The following DLG2 variants were observed in gnomAD, a reference collection of about 807,000 sequenced individuals.
DLG2 encodes disks large homolog 2.
DLG2 carries 45 observed loss-of-function variants against 132.5 expected under a neutral mutation model. The observed-to-expected ratio is 0.34, with a 90% confidence interval of 0.27 to 0.44. The LOEUF is 0.44. Among genes scored for constraint, DLG2 ranks in the 20% least tolerant of loss-of-function variants. The probability of loss-of-function intolerance (pLI) is 1.00; values close to 1 mark genes in which losing one functional copy is unlikely to be tolerated. For missense variants in DLG2, 1,045 were observed against 1,196.9 expected, an observed-to-expected ratio of 0.87 and a Z score of 1.87; for synonymous variants, 424 against 419.6, an observed-to-expected ratio of 1.01 and a Z score of -0.13.
intron 3 of DLG2, among the ~76,000 whole-genome samples, chr11:85,562,308 T>C (rs758380591): frequency 1.3e-5 from 2 of 151,768 alleles, no homozygotes; most frequent in South Asian, 4.1e-4. Flanking sequence ...AAGTTTTAAA[T>C]TATTATTTAA....
At chr11:85,050,504 G>C (rs1407614752) in intron 6 of DLG2, among the ~76,000 whole-genome samples, 1 of 151,932 alleles carries the variant, frequency 6.6e-6, no homozygotes, top group Admixed American at 6.6e-5. Context: ...GGAACAAACA[G>C]GAAGACAATG....
In DLG2 at chr11:85,154,586, A is replaced by C; in HGVS notation, c.252T>G (p.Ser84Arg). The change falls in exon 5 of 28, where the codon AGT becomes AGG. Residue 84 changes from serine to arginine, a missense_variant. By Grantham distance (110) the Ser-to-Arg change is moderately radical. Coordinates refer to ENST00000376104, the MANE Select transcript of DLG2 (RefSeq NM_001142699.3). Reference protein sequence around the residue: ...SCIEQNKENQSFENETDETTT... With the variant: ...SCIEQNKENQRFENETDETTT... ...TCGTCTCATCAGTTTCATTTTCAAA[A>C]CTCTGATTTTCTTTATTTTGCTCAA... 6.5e-7 allele frequency: 1 copy of C among 1,531,342 alleles called. No homozygotes were observed. The allele number at this position is 1,531,342 out of a possible 1,614,324, so 94.9% of individuals were successfully genotyped here. A position where few individuals can be genotyped will look rare whatever the true frequency, so the allele number is the denominator to read the frequency against.
At chr11:85,474,080 A>G (rs1010559653) in intron 3 of DLG2, among the ~76,000 whole-genome samples, 2 of 152,064 alleles carry the variant, frequency 1.3e-5, no homozygotes, top group African/African-American at 4.8e-5. Context: ...AGATGTACCT[A>G]AAGTATAACA....
intron 11 of DLG2, among the ~76,000 whole-genome samples, chr11:84,036,310 CA>C (rs1186608399): frequency 6.6e-6 from 1 of 152,086 alleles, no homozygotes; most frequent in Admixed American, 6.6e-5. Context: ...ATTGGAAAAC[CA>C]AACTAGCTTC....
intron 6 of DLG2, among the ~76,000 whole-genome samples, chr11:84,565,234 G>A (rs761984272): frequency 2.6e-5 from 4 of 152,248 alleles, no homozygotes; most frequent in South Asian, 2.1e-4. Context: ...TCAGTACTGC[G>A]CACTCAAATT....
At chr11:84,769,092 G>A (rs1235467699) in intron 6 of DLG2, among the ~76,000 whole-genome samples, 1 of 152,058 alleles carries the variant, frequency 6.6e-6, no homozygotes, top group East Asian at 1.9e-4. Context: ...TCTGAATGTA[G>A]TGACACCACC....
chr11:85,431,857 A>T (rs1466886416), intron 3 of DLG2, among the ~76,000 whole-genome samples: 1 of 152,216 alleles, frequency 6.6e-6, no homozygotes, highest in African/African-American at 2.4e-5. Flanking sequence ...ATGCCATCCA[A>T]CTAGGTAAGA....
intron 19 of DLG2, among the ~76,000 whole-genome samples, chr11:83,594,546 G>T (rs1423049178): frequency 1.3e-5 from 2 of 152,130 alleles, no homozygotes; most frequent in Non-Finnish European, 2.9e-5. Context: ...TAAAATTAGA[G>T]GCTGTATTGT....
chr11:84,665,274 G>T (rs2099698692), intron 6 of DLG2, among the ~76,000 whole-genome samples: 1 of 152,202 alleles, frequency 6.6e-6, no homozygotes, highest in South Asian at 2.1e-4. Context: ...TGTCTTAAGT[G>T]CTATATATGT....
At chr11:85,099,619 G>A (rs1439241521) in intron 6 of DLG2, among the ~76,000 whole-genome samples, 2 of 152,142 alleles carry the variant, frequency 1.3e-5, no homozygotes, top group Non-Finnish European at 2.9e-5. Context: ...TGTAGGAAAA[G>A]CTTTCTTAAA....
At chr11:84,253,295 C>G (rs1172899250) in intron 7 of DLG2, among the ~76,000 whole-genome samples, 2 of 152,074 alleles carry the variant, frequency 1.3e-5, no homozygotes, top group African/African-American at 4.8e-5. Flanking sequence ...CAGTGACTTC[C>G]TAGTGGTGTG....
chr11:84,575,425 C>T (rs1387812560), intron 6 of DLG2, among the ~76,000 whole-genome samples: 1 of 151,998 alleles, frequency 6.6e-6, no homozygotes, highest in African/African-American at 2.4e-5. Context: ...CAACATGGAT[C>T]CTTCTAGGCA....
chr11:85,524,556 G>T (rs1027518657), intron 3 of DLG2, among the ~76,000 whole-genome samples: 1 of 152,116 alleles, frequency 6.6e-6, no homozygotes, highest in East Asian at 1.9e-4. Flanking sequence ...GCAGTGGCAT[G>T]ATCCCAGCTC....
intron 18 of DLG2, among the ~76,000 whole-genome samples, chr11:83,694,568 A>G (rs76175491): frequency 0.019 from 2,914 of 152,264 alleles, 109 homozygotes; most frequent in African/African-American, 0.067. Flanking sequence ...AAGAAAAAAG[A>G]ATCTTAATTT....
At chr11:85,463,733 T>A (rs72953908) in intron 3 of DLG2, among the ~76,000 whole-genome samples, 4,281 of 152,226 alleles carry the variant, frequency 0.028, 96 homozygotes, top group East Asian at 0.093. Context: ...ATCATGCCAC[T>A]GCATTCTAGT....
intron 11 of DLG2, among the ~76,000 whole-genome samples, chr11:84,029,106 C>A (rs907952845): frequency 2.0e-5 from 3 of 151,982 alleles, no homozygotes; most frequent in African/African-American, 4.8e-5. Context: ...AGTATATTAG[C>A]AATTTATACC....
chr11:84,537,200 G>T (rs1368847530), intron 6 of DLG2, among the ~76,000 whole-genome samples: 1 of 151,966 alleles, frequency 6.6e-6, no homozygotes, highest in Non-Finnish European at 1.5e-5. Context: ...TCTGCTTCCC[G>T]AGTTCGAGCA....
intron 17 of DLG2, among the ~76,000 whole-genome samples, chr11:83,795,882 C>T (rs1033108111): frequency 6.6e-6 from 1 of 152,304 alleles, no homozygotes; most frequent in East Asian, 1.9e-4. Context: ...TTGTCCCTCA[C>T]CATGTTGACC....
chr11:84,402,851 C>T (rs1334799632), intron 7 of DLG2, among the ~76,000 whole-genome samples: 1 of 117,868 alleles, frequency 8.5e-6, no homozygotes, highest in Non-Finnish European at 1.7e-5. Context: ...CACTGCACTC[C>T]AGCCTGGGCG....
Sources: allele counts gnomAD v4.1 joint callset (sites outside exome capture counted in the v4.1 genomes callset), GRCh38; gene constraint gnomAD v4.1.1; transcripts MANE v1.5; gene names NCBI Gene and HGNC (gene_info 2026-07-23, HGNC 2026-07-21).